The following CNTN1 variants were observed in gnomAD, a reference collection of about 807,000 sequenced individuals.
CNTN1 encodes contactin 1.
CNTN1 carries 38 observed loss-of-function variants against 126.4 expected under a neutral mutation model. The observed-to-expected ratio is 0.30, with a 90% CI of 0.23 to 0.39. The LOEUF (loss-of-function observed/expected upper bound fraction) is 0.39, where lower values mean the gene tolerates loss of function less well. CNTN1 is among the 10% of genes least tolerant of loss of function. The pLI is 1.00. For missense variants in CNTN1, 1,009 were observed against 1,248.4 expected, an observed-to-expected ratio of 0.81 and a Z score of 2.89; for synonymous variants, 413 against 422.6, an observed-to-expected ratio of 0.98 and a Z score of 0.28.
At chr12:40,696,936 C>T (rs1463421945) in intron 1 of CNTN1, among the ~76,000 whole-genome samples, 5 of 152,084 alleles carry the variant, frequency 3.3e-5, no homozygotes, top group Non-Finnish European at 7.4e-5. Context: ...TGAACATTCA[C>T]TTTTGTATTT....
intron 17 of CNTN1, among the ~76,000 whole-genome samples, chr12:40,998,106 G>T (rs1470822021): frequency 6.6e-6 from 1 of 152,032 alleles, no homozygotes; most frequent in Non-Finnish European, 1.5e-5. Context: ...CAATAGATTT[G>T]CATATTATAA....
rs1368608873 is a variant in CNTN1, at chr12:40,728,740, C to T, written c.-77+36148C>T. The T allele has an allele frequency of 2.6e-5, 4 of 152,020 alleles. No homozygotes were observed. In the East Asian group the frequency reaches 7.7e-4, roughly 29 times the overall value. The allele number at this position is 152,020 out of a possible 1,614,324, so 9.4% of individuals were successfully genotyped here. A position where few individuals can be genotyped will look rare whatever the true frequency, so the allele number is the denominator to read the frequency against. ...AGAAAATAACAGAGATTAAAAAGTA[C>T]ATATAAAATGATGCACAAGCGTCCT... On this transcript the variant is annotated intron_variant, in intron 1 of 23. Transcript: ENST00000551295.
At chr12:41,069,753 A>G (rs1345587383) in intron 23 of CNTN1, among the ~76,000 whole-genome samples, 3 of 152,202 alleles carry the variant, frequency 2.0e-5, no homozygotes, top group African/African-American at 7.2e-5. Flanking sequence ...CATGTTGTGT[A>G]AACAGTTCAC....
At chr12:40,994,214 C>T (rs11835473) in intron 17 of CNTN1, among the ~76,000 whole-genome samples, 153 of 152,180 alleles carry the variant, frequency 1.0e-3, no homozygotes, top group African/African-American at 3.4e-3. Flanking sequence ...GGGAGGCCTA[C>T]ATCTATTATC....
intron 23 of CNTN1, among the ~76,000 whole-genome samples, chr12:41,057,046 A>T (rs1381984309): frequency 8.3e-6 from 1 of 119,920 alleles, no homozygotes; most frequent in Non-Finnish European, 1.7e-5. Context: ...ATAAATATTT[A>T]GATATTTATA....
At chr12:40,840,072 T>C (rs1942214970) in intron 1 of CNTN1, among the ~76,000 whole-genome samples, 2 of 152,004 alleles carry the variant, frequency 1.3e-5, no homozygotes, top group Non-Finnish European at 2.9e-5. Context: ...TTAGAAAACA[T>C]GAACCAACTT....
intron 1 of CNTN1, among the ~76,000 whole-genome samples, chr12:40,730,207 AG>A: frequency 6.6e-6 from 1 of 152,344 alleles, no homozygotes; most frequent in Non-Finnish European, 1.5e-5. Flanking sequence ...CCATGCTCCC[AG>A]TGGTGGCTGA....
intron 1 of CNTN1, among the ~76,000 whole-genome samples, chr12:40,792,318 A>G (rs936343184): frequency 6.6e-6 from 1 of 152,112 alleles, no homozygotes; most frequent in Non-Finnish European, 1.5e-5. Flanking sequence ...TAAAATGAGG[A>G]GGCAATGCTT....
chr12:40,814,156 C>T (rs1941182059), intron 1 of CNTN1, among the ~76,000 whole-genome samples: 1 of 152,204 alleles, frequency 6.6e-6, no homozygotes, highest in African/African-American at 2.4e-5. Flanking sequence ...TGCCTCCTCA[C>T]TCTGATGATA....
At chr12:40,728,184 T>C (rs1473994509) in intron 1 of CNTN1, among the ~76,000 whole-genome samples, 1 of 152,100 alleles carries the variant, frequency 6.6e-6, no homozygotes, top group Non-Finnish European at 1.5e-5. Flanking sequence ...ATAATGAAAG[T>C]AGTATAAGTA....
intron 1 of CNTN1, among the ~76,000 whole-genome samples, chr12:40,789,150 T>C (rs1940136831): frequency 2.0e-5 from 3 of 152,142 alleles, no homozygotes; most frequent in African/African-American, 7.2e-5. Flanking sequence ...GATAATAAAA[T>C]CTGCTTTTTA....
chr12:40,988,863 A>G (rs1948031265), intron 16 of CNTN1, among the ~76,000 whole-genome samples: 1 of 152,198 alleles, frequency 6.6e-6, no homozygotes, highest in African/African-American at 2.4e-5. Context: ...CAGGCATTAT[A>G]CTGTTAAGAT....
At chr12:40,991,590 G>A (rs1948096558) in intron 16 of CNTN1, among the ~76,000 whole-genome samples, 1 of 152,168 alleles carries the variant, frequency 6.6e-6, no homozygotes, top group South Asian at 2.1e-4. Context: ...AGGACTTTGG[G>A]AGGCCAAGGT....
At chr12:40,832,497 A>T (rs1045846038) in intron 1 of CNTN1, among the ~76,000 whole-genome samples, 3 of 152,224 alleles carry the variant, frequency 2.0e-5, no homozygotes, top group East Asian at 3.8e-4. Context: ...AGGCTATGCC[A>T]TATAGCCTAC....
rs142756294 is a variant in CNTN1 at position 40,809,469 on chromosome 12, A to C, written c.-76-98888A>C. Reference sequence around the variant, plus strand: ...TTATACAAAATCATCTTATTAAATGAATCAACAAATTTTATATCTTGAACC... The same window carrying C: ...TTATACAAAATCATCTTATTAAATGCATCAACAAATTTTATATCTTGAACC... On this transcript the variant is annotated intron_variant, in intron 1 of 23. Coordinates refer to ENST00000551295, the MANE Select transcript of CNTN1 (RefSeq NM_001843.4). Among the ~76,000 whole-genome samples, 29 of 152,340 alleles carry C rather than the reference A, an allele frequency of 1.9e-4. 1 individual carries two copies. The East Asian group carries it at 5.6e-3, about 29-fold the overall frequency.
intron 19 of CNTN1, among the ~76,000 whole-genome samples, chr12:41,018,137 G>T (rs1006272634): frequency 1.3e-5 from 2 of 151,798 alleles, no homozygotes; most frequent in African/African-American, 4.8e-5. Flanking sequence ...TTATTCATGT[G>T]CACTGTGTAA....
chr12:40,910,241 G>T, intron 3 of CNTN1, 136 bp downstream of exon 3: 1 of 655,600 alleles, frequency 1.5e-6, no homozygotes, highest in Non-Finnish European at 2.7e-6. Flanking sequence ...TTTGTAAGGT[G>T]GTCTTTCTGA....
chr12:40,902,694 A>T (rs985281794), intron 1 of CNTN1, among the ~76,000 whole-genome samples: 43 of 152,296 alleles, frequency 2.8e-4, no homozygotes, highest in Admixed American at 3.3e-4. Context: ...TGCGATGAAA[A>T]GCTAGTTTCA....
At chr12:40,727,079 A>T (rs922515951) in intron 1 of CNTN1, among the ~76,000 whole-genome samples, 71 of 149,692 alleles carry the variant, frequency 4.7e-4, no homozygotes, top group African/African-American at 1.7e-3. Context: ...TAATAATTAA[A>T]AATTTCTAAT....
Sources: gnomAD v4.1 joint callset for allele counts (sites outside exome capture counted in the v4.1 genomes callset) on GRCh38, gnomAD v4.1.1 for gene constraint, MANE v1.5 for transcripts, NCBI Gene and HGNC (gene_info 2026-07-23, HGNC 2026-07-21) for gene names.